Variants in MYT1L observed in about 807,000 individuals in gnomAD.
MYT1L encodes myelin transcription factor 1 like.
A neutral mutation model predicts 126.7 loss-of-function variants in MYT1L; 12 were observed. That is an observed-to-expected ratio of 0.09 (90% CI 0.06 to 0.15). The LOEUF is 0.15. Among genes scored for constraint, MYT1L ranks in the 10% least tolerant of loss-of-function variants. MYT1L has a pLI of 1.00. For synonymous variants in MYT1L, 541 were observed against 604.2 expected (o/e 0.90, Z 1.53); for missense variants, 979 against 1,585.2 (o/e 0.62, Z 6.49).
At chr2:2,080,438 G>T (rs2075698351) in intron 3 of MYT1L, among the ~76,000 whole-genome samples, 1 of 152,144 alleles carries the variant, frequency 6.6e-6, no homozygotes, top group Non-Finnish European at 1.5e-5. Context: ...TATTACTTGG[G>T]ACTTGTATGC....
chr2:1,868,289 T>C (rs2045857120), intron 18 of MYT1L, among the ~76,000 whole-genome samples: 2 of 152,222 alleles, frequency 1.3e-5, no homozygotes, highest in African/African-American at 4.8e-5. Flanking sequence ...AGAAAATCAT[T>C]TAAAAATGTG....
intron 3 of MYT1L, among the ~76,000 whole-genome samples, chr2:2,103,992 T>C (rs2078432339): frequency 6.6e-6 from 1 of 152,236 alleles, no homozygotes; most frequent in Non-Finnish European, 1.5e-5. Context: ...TGAGCCACCT[T>C]TCTCTATCAG....
intron 9 of MYT1L, among the ~76,000 whole-genome samples, chr2:1,928,449 C>T (rs966237607): frequency 1.3e-5 from 2 of 152,170 alleles, no homozygotes; most frequent in Non-Finnish European, 2.9e-5. Flanking sequence ...GCTGGAGCCA[C>T]CTGGAGTTCT....
chr2:2,062,863 G>A (rs2150163867), intron 3 of MYT1L, among the ~76,000 whole-genome samples: 1 of 152,114 alleles, frequency 6.6e-6, no homozygotes, highest in East Asian at 1.9e-4. Flanking sequence ...CAAGAATGAG[G>A]GGGTGTGTAG....
rs59714328 is a variant in MYT1L at position 2,201,735 on chromosome 2, C to CCA, written c.-420-28748_-420-28747insTG. Reference sequence around the variant, plus strand: ...AAATCGTAAGTGTTTTAAAGTTTAACCTTTCAAGTGGTATTTTCAGCTAAA... The same window carrying CCA: ...AAATCGTAAGTGTTTTAAAGTTTAACCACTTTCAAGTGGTATTTTCAGCTAAA... On this transcript the variant is annotated intron_variant, in intron 2 of 24. Transcript: ENST00000647738. Among the ~76,000 whole-genome samples, 1,256 of 151,924 alleles carry CCA rather than the reference C, an allele frequency of 8.3e-3. 15 individuals are homozygous for CCA. Among genetic ancestry groups the CCA allele is most frequent in the African/African-American group, 0.029 (1,184 of 41,422 alleles).
chr2:1,850,657 T>C (rs188472389), intron 19 of MYT1L, among the ~76,000 whole-genome samples: 13 of 152,282 alleles, frequency 8.5e-5, no homozygotes, highest in Admixed American at 7.8e-4. Context: ...AGGATCCAGT[T>C]TGAGCAAGAA....
intron 8 of MYT1L, among the ~76,000 whole-genome samples, chr2:1,954,521 C>T (rs528884053): frequency 2.6e-5 from 4 of 152,132 alleles, no homozygotes; most frequent in Non-Finnish European, 5.9e-5. Context: ...GCAGCACAGA[C>T]GATGGGCCTG....
chr2:1,958,724 C>T (rs963503449), intron 8 of MYT1L, among the ~76,000 whole-genome samples: 2 of 151,816 alleles, frequency 1.3e-5, no homozygotes, highest in Non-Finnish European at 2.9e-5. Flanking sequence ...ACTGCAGAGG[C>T]CCCTTCTTCT....
At chr2:1,868,151 T>G (rs11127308) in intron 18 of MYT1L, among the ~76,000 whole-genome samples, 1 of 151,816 alleles carries the variant, frequency 6.6e-6, no homozygotes, top group South Asian at 2.1e-4. Context: ...TTAGTAAAGA[T>G]GGGGTTTCAC....
At chr2:2,028,030 G>A (rs2065829586) in intron 4 of MYT1L, among the ~76,000 whole-genome samples, 1 of 152,224 alleles carries the variant, frequency 6.6e-6, no homozygotes, top group African/African-American at 2.4e-5. Context: ...TATCACATGT[G>A]GGGTCATAAT....
chr2:2,125,820 T>C (rs536481281), intron 3 of MYT1L, among the ~76,000 whole-genome samples: 3 of 152,324 alleles, frequency 2.0e-5, no homozygotes, highest in African/African-American at 7.2e-5. Flanking sequence ...TAAATAACTT[T>C]AAATAGTATA....
chr2:2,094,751 A>G (rs1291571821), intron 3 of MYT1L, among the ~76,000 whole-genome samples: 2 of 131,010 alleles, frequency 1.5e-5, no homozygotes, highest in Non-Finnish European at 3.2e-5. Flanking sequence ...GAAGGGGAAC[A>G]TCACACACCG....
intron 2 of MYT1L, among the ~76,000 whole-genome samples, chr2:2,203,047 A>G (rs1328385742): frequency 1.3e-5 from 2 of 150,438 alleles, no homozygotes; most frequent in Admixed American, 1.3e-4. Context: ...ATAGATGCAG[A>G]AAAGGCCTTT....
In MYT1L at chr2:1,886,604, C is replaced by G. The variant is rs2148831096; in HGVS notation, c.2646G>C (p.Leu882=). Residue 882 remains leucine (L), a synonymous_variant, in exon 18 of 25, where the codon CTG becomes CTC. Coordinates refer to ENST00000647738, the MANE Select transcript of MYT1L (RefSeq NM_001303052.2). ...CKESKKDLIT[L]SGCPLADKSI... ...TTTTGTCCGCCAGGGGGCAGCCAGA[C>G]AGACTGTAAGACAGGCCGGGACAGG... 1 of 1,580,974 alleles carries G rather than the reference C, an allele frequency of 6.3e-7. No individual in the cohort carries two copies. The highest frequency in any genetic ancestry group is 2.3e-5 in the East Asian group (1 of 42,710).
At chr2:2,320,251 G>T (rs897895216) in intron 1 of MYT1L, among the ~76,000 whole-genome samples, 28 of 151,936 alleles carry the variant, frequency 1.8e-4, no homozygotes, top group African/African-American at 6.8e-4. Context: ...CCTCTGCCCT[G>T]GGGATGAGGG....
At chr2:2,116,210 C>T (rs1012160721) in intron 3 of MYT1L, among the ~76,000 whole-genome samples, 1 of 152,208 alleles carries the variant, frequency 6.6e-6, no homozygotes, top group Non-Finnish European at 1.5e-5. Context: ...GGAGGAGATG[C>T]CTTTGTCCTT....
chr2:2,214,257 T>TTATC (rs61708071), intron 2 of MYT1L, among the ~76,000 whole-genome samples: 29,558 of 147,308 alleles, frequency 0.2, 2,991 homozygotes, highest in East Asian at 0.28. Flanking sequence ...ATGAGACAAA[T>TTATC]TATCTATCTA....
At chr2:2,171,980 T>C (rs2090114229) in intron 3 of MYT1L, among the ~76,000 whole-genome samples, 1 of 152,182 alleles carries the variant, frequency 6.6e-6, no homozygotes, top group Admixed American at 6.5e-5. Flanking sequence ...GCTGAGAAAT[T>C]GCCATTTTTA....
intron 8 of MYT1L, among the ~76,000 whole-genome samples, chr2:1,949,559 A>G (rs1228631868): frequency 6.6e-6 from 1 of 152,226 alleles, no homozygotes; most frequent in Non-Finnish European, 1.5e-5. Flanking sequence ...AAACTCATAC[A>G]CATACAACAT....
Sources: gnomAD v4.1 joint callset for allele counts (sites outside exome capture counted in the v4.1 genomes callset) on GRCh38, gnomAD v4.1.1 for gene constraint, MANE v1.5 for transcripts, NCBI Gene and HGNC (gene_info 2026-07-23, HGNC 2026-07-21) for gene names.